The following CSMD2 variants were observed in gnomAD, a reference collection of about 807,000 sequenced individuals.
CSMD2 encodes the protein CUB and Sushi multiple domains 2.
A neutral mutation model predicts 398.5 loss-of-function variants in CSMD2; 130 were observed. That is an observed-to-expected ratio of 0.33 (90% CI 0.28 to 0.38). CSMD2 has a LOEUF of 0.38. Among genes scored for constraint, CSMD2 ranks in the 10% least tolerant of loss-of-function variants. The probability of loss-of-function intolerance (pLI) is 1.00; values close to 1 mark genes in which losing one functional copy is unlikely to be tolerated. For synonymous variants in CSMD2, 1,828 were observed against 1,908.5 expected (o/e 0.96, Z 1.10); for missense variants, 3,829 against 4,764.9 (o/e 0.80, Z 5.78).
intron 5 of CSMD2, chr1:33,864,016 C>T (rs1233647842): frequency 1.8e-5 from 11 of 604,810 alleles, no homozygotes; most frequent in Non-Finnish European, 2.3e-5. Flanking sequence ...GTCACAGTTT[C>T]CCTCCTCTGA....
intron 28 of CSMD2, among the ~76,000 whole-genome samples, chr1:33,648,880 A>AT (rs907325184): frequency 1.3e-5 from 2 of 152,096 alleles, no homozygotes; most frequent in Non-Finnish European, 2.9e-5. Context: ...AAGAGCACCC[A>AT]TTTTTTCTTC....
In CSMD2 at chr1:33,831,900, C is replaced by A. The variant is rs190487921; in HGVS notation, c.1034-6126G>T. ...ATACAGACTTTAAACCAATAAAGAT[C>A]AAAAGAGACAAAGAAGGCCATTACA... is the stretch of plus-strand genomic sequence containing the variant. On this transcript the variant is annotated intron_variant, in intron 6 of 70. Transcript: ENST00000373381. Among the ~76,000 whole-genome samples the A allele has an allele frequency of 3.1e-3, 467 of 151,860 alleles. 2 individuals are homozygous for A. The highest frequency in any genetic ancestry group is 0.011 in the African/African-American group (454 of 41,360).
chr1:34,129,959 C>T (rs1663162600), intron 1 of CSMD2, among the ~76,000 whole-genome samples: 3 of 152,160 alleles, frequency 2.0e-5, no homozygotes, highest in Admixed American at 6.5e-5. Context: ...ATTAATAATA[C>T]CTCCCTCACA....
At chr1:33,585,671 CAGG>C (rs1639035454) in intron 46 of CSMD2, among the ~76,000 whole-genome samples, 1 of 152,182 alleles carries the variant, frequency 6.6e-6, no homozygotes, top group South Asian at 2.1e-4. Context: ...CTGCCTCTAC[CAGG>C]TCTGCTATTC....
intron 25 of CSMD2, among the ~76,000 whole-genome samples, chr1:33,670,562 C>T (rs145016987): frequency 9.6e-4 from 144 of 150,462 alleles, no homozygotes; most frequent in African/African-American, 3.4e-3. Context: ...ATCTTTGGTG[C>T]TCTACACTAC....
At chr1:33,893,101 TCCAATTC>T (rs1475311663) in intron 5 of CSMD2, among the ~76,000 whole-genome samples, 1 of 152,200 alleles carries the variant, frequency 6.6e-6, no homozygotes, top group Non-Finnish European at 1.5e-5. Context: ...TTTGCATCCA[TCCAATTC>T]CCACATCACT....
intron 13 of CSMD2, among the ~76,000 whole-genome samples, chr1:33,752,184 AT>A (rs1648343662): frequency 1.3e-5 from 2 of 148,150 alleles, no homozygotes; most frequent in Non-Finnish European, 3.0e-5. Context: ...AAACAAAAAA[AT>A]ATATAGTTTG....
chr1:34,045,306 A>G (rs1652394727), intron 2 of CSMD2, among the ~76,000 whole-genome samples: 1 of 152,182 alleles, frequency 6.6e-6, no homozygotes, highest in Non-Finnish European at 1.5e-5. Flanking sequence ...TACATTAGCT[A>G]TGAGACCACT....
chr1:33,612,001 A>C (rs1641039760), intron 40 of CSMD2, among the ~76,000 whole-genome samples: 1 of 152,230 alleles, frequency 6.6e-6, no homozygotes, highest in South Asian at 2.1e-4. Flanking sequence ...GATGACAAAT[A>C]GTATGCTGTA....
intron 3 of CSMD2, among the ~76,000 whole-genome samples, chr1:33,936,493 G>A (rs1220716629): frequency 6.6e-6 from 1 of 152,238 alleles, no homozygotes; most frequent in Admixed American, 6.5e-5. Flanking sequence ...AGAATAGGCA[G>A]TGAAGTGGGA....
At chr1:34,107,161 C>T (rs1351886290) in intron 1 of CSMD2, among the ~76,000 whole-genome samples, 1 of 152,156 alleles carries the variant, frequency 6.6e-6, no homozygotes, top group East Asian at 1.9e-4. Flanking sequence ...CAAGGAACTA[C>T]CATTGAGTTC....
intron 26 of CSMD2, among the ~76,000 whole-genome samples, chr1:33,661,721 C>T (rs1292545024): frequency 6.6e-6 from 1 of 152,126 alleles, no homozygotes; most frequent in African/African-American, 2.4e-5. Context: ...CATCTGCTCC[C>T]CACGCTGCTA....
intron 5 of CSMD2, among the ~76,000 whole-genome samples, chr1:33,882,936 T>C (rs1448521136): frequency 2.6e-5 from 4 of 152,210 alleles, no homozygotes; most frequent in African/African-American, 9.6e-5. Context: ...CAAAGCTCCA[T>C]ATCTTACTCA....
intron 15 of CSMD2, among the ~76,000 whole-genome samples, chr1:33,732,285 G>A (rs945432814): frequency 6.6e-6 from 1 of 152,224 alleles, no homozygotes; most frequent in Non-Finnish European, 1.5e-5. Flanking sequence ...TGAAATACTG[G>A]TTGATAGGCA....
chr1:34,146,190 G>C (rs1363114221), intron 1 of CSMD2, among the ~76,000 whole-genome samples: 1 of 152,152 alleles, frequency 6.6e-6, no homozygotes, highest in South Asian at 2.1e-4. Flanking sequence ...TGTACCACCA[G>C]AGCCCAGCTC....
chr1:33,542,353 G>C (rs1219027151), intron 58 of CSMD2, among the ~76,000 whole-genome samples: 1 of 152,144 alleles, frequency 6.6e-6, no homozygotes, highest in Non-Finnish European at 1.5e-5. Context: ...GAGCTCTGGG[G>C]TTTGATTCTA....
intron 10 of CSMD2, among the ~76,000 whole-genome samples, chr1:33,806,468 A>G (rs1471695933): frequency 1.3e-5 from 2 of 152,146 alleles, no homozygotes; most frequent in African/African-American, 2.4e-5. Context: ...CCAGGTCTCA[A>G]AGAATTACCA....
chr1:33,649,986 A>G (rs566955446), intron 28 of CSMD2, among the ~76,000 whole-genome samples: 4 of 152,272 alleles, frequency 2.6e-5, no homozygotes. Context: ...CGGGGTCAAC[A>G]CACCATGGCT....
At chr1:33,761,166 TGGATATTCTGTCAGTCTTGA>T (rs1323547038) in intron 13 of CSMD2, among the ~76,000 whole-genome samples, 2 of 152,114 alleles carry the variant, frequency 1.3e-5, no homozygotes, top group Non-Finnish European at 2.9e-5. Context: ...ACTTGAGTGT[TGGATATTCTGTCAGTCTTGA>T]GTCTCACTGT....
Sources: allele counts gnomAD v4.1 joint callset (sites outside exome capture counted in the v4.1 genomes callset), GRCh38; gene constraint gnomAD v4.1.1; transcripts MANE v1.5; gene names NCBI Gene and HGNC (gene_info 2026-07-23, HGNC 2026-07-21).